Variants in PCID2 observed in about 807,000 individuals in gnomAD.
PCID2 encodes the protein PCI domain containing 2, also known as PCI domain-containing protein 2.
Under a neutral mutation model 61.3 loss-of-function variants are expected in PCID2, and 41 were observed. That is an observed-to-expected ratio of 0.67 (90% confidence interval 0.52 to 0.87). The LOEUF (loss-of-function observed/expected upper bound fraction) is 0.87. PCID2 is among the 40% of genes least tolerant of loss of function. The probability of loss-of-function intolerance (pLI) is 0.00; values close to 1 mark genes in which losing one functional copy is unlikely to be tolerated. For missense variants in PCID2, 392 were observed against 493.4 expected (o/e 0.79, Z 1.95); for synonymous variants, 187 against 177.8 (o/e 1.05, Z -0.41).
chr13:113,171,494 G>A, the PCID2 span: 101 of 1,491,678 alleles, frequency 6.8e-5, no homozygotes, highest in Admixed American at 9.1e-5. The surrounding 1 kb of genome is among the most constrained non-coding windows in gnomAD (Gnocchi z 5.1). Context: ...CTCCAGGGCC[G>A]GTCTCTCCCT....
chr13:113,187,537 G>C (rs776250505), intron 7 of PCID2: 1 of 152,188 alleles, frequency 6.6e-6, no homozygotes, highest in Non-Finnish European at 1.5e-5. Flanking sequence ...GCTCTCAGAG[G>C]TTCTGATGTG....
intron 1 of PCID2, among the ~76,000 whole-genome samples, chr13:113,201,810 C>A (rs1369408296): frequency 2.5e-5 from 3 of 119,994 alleles, no homozygotes; most frequent in Non-Finnish European, 5.0e-5. Flanking sequence ...AGCAAGACTC[C>A]GTCTCAAAAA....
intron 4 of PCID2, among the ~76,000 whole-genome samples, chr13:113,196,481 A>T (rs1237578947): frequency 2.0e-5 from 3 of 152,228 alleles, no homozygotes; most frequent in African/African-American, 7.2e-5. Context: ...GATTTTTTAA[A>T]ATCAGCCCTT....
In PCID2 at chr13:113,181,157, G is replaced by C. The variant is rs764988354; in HGVS notation, c.759C>G (p.Ile253Met). The C allele has an allele frequency of 2.5e-6, 4 of 1,611,290 alleles. No individual in the cohort carries two copies. Among genetic ancestry groups the C allele is most frequent in the Non-Finnish European group, 3.4e-6 (4 of 1,177,422 alleles). The change falls in exon 10 of 14, where the codon ATC becomes ATG. Residue 253 changes from isoleucine to methionine, a missense_variant. Ile to Met is a conservative substitution (Grantham distance 10, BLOSUM62 1). Transcript: ENST00000337344. ...ATAGCATTTTTACTGGAAGCAAATAGATCAGAATCATCCTTTTGTTCTTCT... is the reference window on the plus strand; with the variant it reads ...ATAGCATTTTTACTGGAAGCAAATACATCAGAATCATCCTTTTGTTCTTCT... ...SSQKNKRMIL[I>M]YLLPVKMLLG...
chr13:113,185,295 T>C (rs1177366469), intron 8 of PCID2, among the ~76,000 whole-genome samples, 190 bp downstream of exon 8: 1 of 152,212 alleles, frequency 6.6e-6, no homozygotes, highest in African/African-American at 2.4e-5. Context: ...AGGAAGACAT[T>C]TGTAAAGCAT....
At chr13:113,187,456 A>C (rs886840016) in intron 7 of PCID2, 3 of 152,194 alleles carry the variant, frequency 2.0e-5, no homozygotes, top group African/African-American at 7.2e-5. Flanking sequence ...ACGAGGCTCC[A>C]GTCTCCCTGC....
At chr13:113,178,851 C>CAA in intron 13 of PCID2, 115 bp downstream of exon 13, 2 of 977,800 alleles carry the variant, frequency 2.0e-6, no homozygotes, top group South Asian at 1.8e-5. Flanking sequence ...TTAGTTCTAT[C>CAA]AAAAAAAAAG....
At chr13:113,165,302 A>C in the PCID2 span, 2 of 685,070 alleles carry the variant, frequency 2.9e-6, no homozygotes, top group Non-Finnish European at 5.3e-6. Flanking sequence ...GTTCATAACT[A>C]ATACAAAAGG....
downstream of PCID2, among the ~76,000 whole-genome samples, chr13:113,175,508 C>G (rs1011336447): frequency 5.3e-5 from 8 of 152,172 alleles, no homozygotes; most frequent in African/African-American, 1.9e-4. Context: ...TGCAGAGCAG[C>G]AGGGAAGATC....
At chr13:113,206,499 A>T (rs1595291091) in intron 1 of PCID2, among the ~76,000 whole-genome samples, 1 of 152,216 alleles carries the variant, frequency 6.6e-6, no homozygotes, top group East Asian at 1.9e-4. Context: ...CTGAGACTAA[A>T]GGAGGAGTCA....
chr13:113,184,418 T>G lies in PCID2; in HGVS notation c.613A>C (p.Ser205Arg), dbSNP rs2037915323. The G allele has an allele frequency of 6.8e-6, 11 of 1,607,718 alleles. No homozygotes were observed. In the East Asian group the frequency reaches 2.5e-4, roughly 36 times the overall value. ...IDSSNLKDDY[S>R]TAQRVTYKYY... Reference sequence around the variant, plus strand: ...TTGTATGTTACTCTCTGTGCAGTGCTGTAATCGTCTTTCAGGTTTGAGCTG... The same window carrying G: ...TTGTATGTTACTCTCTGTGCAGTGCGGTAATCGTCTTTCAGGTTTGAGCTG... The change falls in exon 9 of 14, where the codon AGC (serine) becomes CGC (arginine). Residue 205 changes from serine (S) to arginine (R), a missense_variant. By Grantham distance (110) the Ser-to-Arg change is moderately radical. This residue lies in a region of PCID2 where 226 missense variants were observed against 296.5 expected (regional missense o/e 0.76). Transcript: ENST00000337344.
chr13:113,174,457 A>C (rs1174746607), downstream of PCID2, among the ~76,000 whole-genome samples: 2 of 152,118 alleles, frequency 1.3e-5, no homozygotes, highest in African/African-American at 4.8e-5. Context: ...ATCTAACAAA[A>C]CAGTAAAACT....
chr13:113,203,905 T>C (rs1195843053), intron 1 of PCID2, among the ~76,000 whole-genome samples: 1 of 152,246 alleles, frequency 6.6e-6, no homozygotes, highest in Non-Finnish European at 1.5e-5. Context: ...TTAGTCAGTT[T>C]AGCCCCAGAG....
At chr13:113,170,172 C>T in the PCID2 span, among the ~76,000 whole-genome samples, 786 of 152,130 alleles carry the variant, frequency 5.2e-3, 4 homozygotes, top group Middle Eastern at 0.024. Flanking sequence ...TCACCTGGGC[C>T]GAAAGGGGAA....
chr13:113,166,181 T>A, the PCID2 span: 2 of 152,244 alleles, frequency 1.3e-5, no homozygotes, highest in Non-Finnish European at 2.9e-5. Flanking sequence ...CCACATAATT[T>A]AAAATTTTCT....
chr13:113,205,582 G>T (rs2039748063), intron 1 of PCID2, among the ~76,000 whole-genome samples: 1 of 152,138 alleles, frequency 6.6e-6, no homozygotes, highest in East Asian at 1.9e-4. Context: ...CCAAAAAGAG[G>T]AAACAACTGA....
At chr13:113,207,884 A>C in intron 1 of PCID2, 3 of 785,018 alleles carry the variant, frequency 3.8e-6, no homozygotes, top group Non-Finnish European at 6.7e-6. Flanking sequence ...GTTTCCTTCA[A>C]ATATTTTAAA....
At chr13:113,174,237 CA>C (rs796254368), downstream of PCID2, among the ~76,000 whole-genome samples, 1,820 of 115,722 alleles carry the variant, frequency 0.016, 16 homozygotes, top group Non-Finnish European at 0.021. Context: ...GACTCCATCT[CA>C]AAAAAAAAAA....
the PCID2 span, among the ~76,000 whole-genome samples, chr13:113,169,866 TG>T: frequency 2.0e-5 from 3 of 152,254 alleles, no homozygotes; most frequent in Non-Finnish European, 2.9e-5. Flanking sequence ...GCTAGGCATG[TG>T]GCCATCCTCC....
Sources: gnomAD v4.1 joint callset for allele counts (sites outside exome capture counted in the v4.1 genomes callset) on GRCh38, gnomAD v4.1.1 for gene constraint, gnomAD v4.1.1 regional missense constraint, Gnocchi (gnomAD v3.1) non-coding constraint, MANE v1.5 for transcripts, NCBI Gene and HGNC (gene_info 2026-07-23, HGNC 2026-07-21) for gene names.